Variants in NRG4 observed in about 807,000 individuals in gnomAD.
The protein encoded by NRG4 is neuregulin 4.
NRG4 carries 10 observed loss-of-function variants against 15.0 expected under a neutral mutation model. The ratio of observed to expected loss-of-function variants is 0.67; its 90% CI spans 0.41 to 1.13. NRG4 has a LOEUF of 1.13. NRG4 is among the 50% of genes most tolerant of loss of function. The probability of loss-of-function intolerance (pLI) is 0.00; values close to 1 mark genes in which losing one functional copy is unlikely to be tolerated. For synonymous variants in NRG4, 41 were observed against 50.1 expected (o/e 0.82, Z 0.77); for missense variants, 139 against 140.2 (o/e 0.99, Z 0.04).
intron 5 of NRG4, among the ~76,000 whole-genome samples, chr15:75,947,449 T>C (rs2031598691): frequency 6.6e-6 from 1 of 152,210 alleles, no homozygotes; most frequent in African/African-American, 2.4e-5. Flanking sequence ...CAGGGTGTCC[T>C]GTCTATTCTG....
At chr15:75,978,065 C>T (rs1164709543) in intron 3 of NRG4, among the ~76,000 whole-genome samples, 3 of 152,104 alleles carry the variant, frequency 2.0e-5, no homozygotes, top group East Asian at 3.9e-4. Context: ...GATCTGCCCA[C>T]GTCAGCCTCC....
chr15:76,034,218 C>T (rs973377118), intron 5 of NRG4, among the ~76,000 whole-genome samples: 24 of 152,174 alleles, frequency 1.6e-4, no homozygotes, highest in African/African-American at 5.8e-4. Context: ...AGCCATCCTC[C>T]TTTGTTAATA....
intron 5 of NRG4, among the ~76,000 whole-genome samples, chr15:76,032,284 G>A (rs1198437023): frequency 3.9e-5 from 6 of 152,054 alleles, no homozygotes; most frequent in Non-Finnish European, 8.8e-5. Context: ...TGTGAGGCCT[G>A]ACTCAGGGTA....
chr15:75,988,614 A>G (rs1387367650), intron 3 of NRG4, among the ~76,000 whole-genome samples: 1 of 152,220 alleles, frequency 6.6e-6, no homozygotes, highest in Non-Finnish European at 1.5e-5. Flanking sequence ...TGCTGAATGA[A>G]GAGCCCTTTA....
chr15:76,045,810 G>T (rs1481640618), intron 4 of NRG4, among the ~76,000 whole-genome samples: 1 of 150,832 alleles, frequency 6.6e-6, no homozygotes, highest in Non-Finnish European at 1.5e-5. Flanking sequence ...GTTGGGGGAA[G>T]TGGGGATAGT....
chr15:76,021,743 A>G (rs1219366509), intron 5 of NRG4, among the ~76,000 whole-genome samples: 2 of 152,140 alleles, frequency 1.3e-5, no homozygotes, highest in Non-Finnish European at 2.9e-5. Context: ...TATTGTGATG[A>G]TTTTGTGTTA....
At chr15:75,970,965 G>A (rs1476338622) in intron 3 of NRG4, among the ~76,000 whole-genome samples, 2 of 152,332 alleles carry the variant, frequency 1.3e-5, no homozygotes, top group East Asian at 3.9e-4. Context: ...CAGGTGTCCT[G>A]TCAAATGCAC....
intron 4 of NRG4, among the ~76,000 whole-genome samples, chr15:75,957,852 TTTA>T (rs1315987953): frequency 6.6e-6 from 1 of 152,132 alleles, no homozygotes; most frequent in Non-Finnish European, 1.5e-5. Flanking sequence ...CATTAATTAT[TTTA>T]TTGTGTTTAA....
chr15:75,959,764 A>C (rs1211885403), intron 4 of NRG4, among the ~76,000 whole-genome samples: 1 of 152,198 alleles, frequency 6.6e-6, no homozygotes, highest in Non-Finnish European at 1.5e-5. Context: ...GAATACAGAC[A>C]TGAGCTACCA....
intron 3 of NRG4, among the ~76,000 whole-genome samples, chr15:75,971,675 T>C (rs2033098520): frequency 6.6e-6 from 1 of 152,206 alleles, no homozygotes; most frequent in Non-Finnish European, 1.5e-5. Context: ...CTTATGTAAT[T>C]TGAATATTCT....
intron 3 of NRG4, among the ~76,000 whole-genome samples, chr15:75,975,427 C>G (rs2033320340): frequency 6.6e-6 from 1 of 152,152 alleles, no homozygotes; most frequent in African/African-American, 2.4e-5. Flanking sequence ...TTAATTGATG[C>G]AGTTTCTTCA....
rs372032942 is a variant in NRG4 at position 75,959,460 on chromosome 15, T to C, written c.251+2368A>G. Among the ~76,000 whole-genome samples the C allele has an allele frequency of 1.5e-4, 23 of 151,568 alleles. No homozygotes were observed. In the East Asian group the frequency reaches 4.2e-3, roughly 28 times the overall value. ...TTATATGTCTCTTATTGTAAATATA[T>C]GTAAATAAATATATAAATAAATATT... On this transcript the variant is annotated intron_variant, in intron 4 of 5. Transcript: ENST00000394907.
intron 5 of NRG4, among the ~76,000 whole-genome samples, chr15:76,035,572 GA>G (rs143023547): frequency 0.038 from 5,623 of 147,020 alleles, 185 homozygotes; most frequent in African/African-American, 0.088. Context: ...TAACAGAAGT[GA>G]AAAAAAAAAG....
At chr15:75,947,123 C>T (rs1205493051) in intron 5 of NRG4, among the ~76,000 whole-genome samples, 3 of 152,186 alleles carry the variant, frequency 2.0e-5, no homozygotes, top group African/African-American at 7.2e-5. Flanking sequence ...GCAAAGCTAT[C>T]TCCAGTAGGA....
At chr15:76,004,561 T>C (rs1339472809) in intron 3 of NRG4, among the ~76,000 whole-genome samples, 1 of 147,708 alleles carries the variant, frequency 6.8e-6, no homozygotes, top group Non-Finnish European at 1.5e-5. Flanking sequence ...ATCACGCCAT[T>C]GCACTCCAGC....
intron 5 of NRG4, among the ~76,000 whole-genome samples, chr15:75,951,605 CTT>C (rs1345606729): frequency 1.3e-5 from 2 of 152,132 alleles, no homozygotes; most frequent in African/African-American, 2.4e-5. Flanking sequence ...GTGACTTAGA[CTT>C]TTTACAGGTT....
chr15:76,026,946 C>T (rs2035333292), intron 5 of NRG4, among the ~76,000 whole-genome samples: 1 of 151,976 alleles, frequency 6.6e-6, no homozygotes, highest in Non-Finnish European at 1.5e-5. Context: ...CATGGTGAAA[C>T]CCCATCTCTA....
At position 76,018,869 on chromosome 15, in the gene NRG4, C is replaced by A. The variant is rs150569300; in HGVS notation, c.-56-7583G>T. ...AGCTCGGATGCTGTGCTTAGAGATC[C>A]ACTGCTCTCTTCAGAGCTGGCAGGC... On this transcript the variant is annotated intron_variant, in intron 5 of 8. Transcript: ENST00000563910. Among the ~76,000 whole-genome samples the A allele has an allele frequency of 5.1e-3, 770 of 152,280 alleles. 6 individuals carry two copies. Among genetic ancestry groups the A allele is most frequent in the African/African-American group, 0.017 (707 of 41,546 alleles).
intron 5 of NRG4, among the ~76,000 whole-genome samples, chr15:75,947,514 ATC>A (rs1321171772): frequency 1.3e-5 from 2 of 152,196 alleles, no homozygotes; most frequent in African/African-American, 2.4e-5. Flanking sequence ...TATATGCTGC[ATC>A]TCTGTTTTGT....
Sources: allele counts gnomAD v4.1 joint callset (sites outside exome capture counted in the v4.1 genomes callset), GRCh38; gene constraint gnomAD v4.1.1; transcripts MANE v1.5; gene names NCBI Gene and HGNC (gene_info 2026-07-23, HGNC 2026-07-21).